PHACTR2: variants seen among roughly 807,000 people sequenced by gnomAD.
PHACTR2 encodes the protein phosphatase and actin regulator 2, also known as chromosome 6 open reading frame 56.
In PHACTR2, 30 loss-of-function variants were observed where a neutral mutation model predicts 76.0. That is an observed-to-expected ratio of 0.39 (90% confidence interval 0.30 to 0.54). The LOEUF is 0.54. Among genes scored for constraint, PHACTR2 ranks in the 20% least tolerant of loss-of-function variants. The probability of loss-of-function intolerance (pLI) is 0.61; values close to 1 mark genes in which losing one functional copy is unlikely to be tolerated. For missense variants in PHACTR2, 696 were observed against 781.1 expected (o/e 0.89, Z 1.30); for synonymous variants, 292 against 292.5 (o/e 1.00, Z 0.02).
intron 1 of PHACTR2, among the ~76,000 whole-genome samples, chr6:143,560,865 A>C (rs1775258401): frequency 6.7e-6 from 1 of 150,224 alleles, no homozygotes; most frequent in Non-Finnish European, 1.5e-5. Flanking sequence ...ATTGGGATAT[A>C]AAATGCAAAG....
rs879845108 is a variant in PHACTR2, at chr6:143,621,779, G to A, written c.13+13457G>A. 1.3e-4 allele frequency among the ~76,000 whole-genome samples: 20 copies of A among 152,234 alleles called. No homozygotes were observed. The highest frequency in any genetic ancestry group is 1.9e-4 in the East Asian group (1 of 5,180). On this transcript the variant is annotated intron_variant, in intron 1 of 11. Coordinates refer to the PHACTR2 transcript ENST00000305766. This position sits in a 1 kb window ranked among gnomAD's most constrained non-coding sequence, Gnocchi z 4.1. Reference sequence around the variant, plus strand: ...TAACATAGATTCATTTTGCACCTACGTGGACTTTAAATCTTTGCGAACAGT... The same window carrying A: ...TAACATAGATTCATTTTGCACCTACATGGACTTTAAATCTTTGCGAACAGT...
At chr6:143,768,139 A>T (rs1774991077) in intron 6 of PHACTR2, among the ~76,000 whole-genome samples, 1 of 152,156 alleles carries the variant, frequency 6.6e-6, no homozygotes, top group African/African-American at 2.4e-5. Context: ...CCCAGCTAGG[A>T]TTAAATTTTA....
chr6:143,563,238 A>C (rs1198999225), intron 1 of PHACTR2, among the ~76,000 whole-genome samples: 2 of 152,168 alleles, frequency 1.3e-5, no homozygotes, highest in Non-Finnish European at 2.9e-5. Context: ...AAAGTATGTA[A>C]ACCAGTTACG....
Position 143,689,831 on chromosome 6 carries a change from T to C in PHACTR2, c.46+11622T>C, listed in dbSNP as rs147055830. Reference sequence around the variant, plus strand: ...CCTCAGCCTCCCGATTAGCTGGGATTACAGGCACCTGCCACCACGCCCGGC... The same window carrying C: ...CCTCAGCCTCCCGATTAGCTGGGATCACAGGCACCTGCCACCACGCCCGGC... On this transcript the variant is annotated intron_variant, in intron 1 of 12. Transcript: ENST00000440869. The surrounding 1 kb of genome is among the most constrained non-coding windows in gnomAD (Gnocchi z 4.4). Among the ~76,000 whole-genome samples, 686 of 152,130 alleles carry C rather than the reference T, an allele frequency of 4.5e-3. 5 individuals carry two copies. The highest frequency in any genetic ancestry group is 0.015 in the African/African-American group (628 of 41,506).
intron 1 of PHACTR2, among the ~76,000 whole-genome samples, chr6:143,584,379 C>T (rs903161245): frequency 6.6e-6 from 1 of 152,178 alleles, no homozygotes; most frequent in African/African-American, 2.4e-5. Context: ...CTTAGCTACT[C>T]AGGGGGACTG....
rs1426298955 is a variant in PHACTR2 at position 143,537,778 on chromosome 6, G to T, written c.217+571G>T. On this transcript the variant is annotated intron_variant, in intron 1 of 11. Coordinates refer to the PHACTR2 transcript ENST00000367584. This position sits in a 1 kb window ranked among gnomAD's most constrained non-coding sequence, Gnocchi z 4.4. Reference sequence around the variant, plus strand: ...GGGGGAGAGCAGGGGAGAGTTTGGCGGGCTGTTTGTGCCTCTCATCCTTTA... The same window carrying T: ...GGGGGAGAGCAGGGGAGAGTTTGGCTGGCTGTTTGTGCCTCTCATCCTTTA... 6.6e-6 allele frequency among the ~76,000 whole-genome samples: 1 copy of T among 152,138 alleles called. No homozygotes were observed. The highest frequency in any genetic ancestry group is 1.5e-5 in the Non-Finnish European group (1 of 68,030).
intron 1 of PHACTR2, among the ~76,000 whole-genome samples, chr6:143,682,832 T>C (rs550591717): frequency 3.2e-4 from 48 of 152,288 alleles, no homozygotes; most frequent in Non-Finnish European, 4.0e-4. Context: ...ATGGGTTTCT[T>C]CATAGGTTCA....
At chr6:143,587,786 G>A (rs1007711943) in intron 1 of PHACTR2, among the ~76,000 whole-genome samples, 1 of 152,084 alleles carries the variant, frequency 6.6e-6, no homozygotes, top group African/African-American at 2.4e-5. Context: ...GGCTGAGGCG[G>A]GCGGATCACC....
At position 143,636,084 on chromosome 6, in the gene PHACTR2, A is replaced by G. The variant is rs1171953843; in HGVS notation, c.13+27762A>G. The stretch of plus-strand genomic sequence containing the variant: ...TAAAAAATTAGCCAGGCATGGTGGT[A>G]CACACCTGTAGTCCCAGCTAGTCAG... On this transcript the variant is annotated intron_variant, in intron 1 of 11. Coordinates refer to the PHACTR2 transcript ENST00000305766. 2.7e-5 allele frequency among the ~76,000 whole-genome samples: 4 copies of G among 149,996 alleles called. No homozygotes were observed. In the East Asian group the frequency reaches 7.9e-4, roughly 29 times the overall value.
rs140978170 is a variant in PHACTR2 at position 143,598,424 on chromosome 6, GC to G, written c.217+61220del. Reference sequence around the variant, plus strand: ...AGCCCTTCAGAACACCTTGATTTGAGCCCTACAAGATAAGACTAATTTTGGA... The same window carrying G: ...AGCCCTTCAGAACACCTTGATTTGAGCCTACAAGATAAGACTAATTTTGGA... On this transcript the variant is annotated intron_variant, in intron 1 of 11. Transcript: ENST00000367584. This position sits in a 1 kb window ranked among gnomAD's most constrained non-coding sequence, Gnocchi z 4.1. 3.3e-3 allele frequency among the ~76,000 whole-genome samples: 510 copies of G among 152,280 alleles called. No homozygotes were observed. The highest frequency in any genetic ancestry group is 5.8e-3 in the Non-Finnish European group (395 of 68,020).
rs1775431033 is a variant in PHACTR2, at chr6:143,570,198, AT to A, written c.217+32994del. ...ATTCGTGGCATCATAACATTTAAGA[AT>A]TTAAAATGTGTGCATGACATTTTTA... is the stretch of plus-strand genomic sequence containing the variant. On this transcript the variant is annotated intron_variant, in intron 1 of 11. Transcript: ENST00000367584. The surrounding 1 kb of genome is among the most constrained non-coding windows in gnomAD (Gnocchi z 4.6). 1.1e-5 allele frequency among the ~76,000 whole-genome samples: 1 copy of A among 92,892 alleles called. No individual in the cohort carries two copies. Among genetic ancestry groups the A allele is most frequent in the Non-Finnish European group, 2.6e-5 (1 of 38,068 alleles). The allele number at this position is 92,892 out of a possible 152,430, so 60.9% of individuals were successfully genotyped here.
chr6:143,615,111 T>A (rs1776040155), intron 1 of PHACTR2, among the ~76,000 whole-genome samples: 1 of 152,208 alleles, frequency 6.6e-6, no homozygotes, highest in Non-Finnish European at 1.5e-5. Flanking sequence ...TGTTACATCA[T>A]TAATACTTGC....
rs1461128836 is a variant in PHACTR2, at chr6:143,722,367, T to G, written c.214+10184T>G. Among the ~76,000 whole-genome samples, 1 of 152,198 alleles carries G rather than the reference T, an allele frequency of 6.6e-6. No homozygotes were observed. The highest frequency in any genetic ancestry group is 1.9e-4 in the East Asian group (1 of 5,200). On this transcript the variant is annotated intron_variant, in intron 2 of 12. Transcript: ENST00000440869. This position sits in a 1 kb window ranked among gnomAD's most constrained non-coding sequence, Gnocchi z 4.1. ...CCACTGTCCTCCATGATATCTGGTT[T>G]TATACCATTTTGTGGGTGTTTTCTT...
At chr6:143,644,361 A>G (rs12211387) in intron 1 of PHACTR2, among the ~76,000 whole-genome samples, 42,918 of 151,080 alleles carry the variant, frequency 0.28, 6,081 homozygotes, top group Middle Eastern at 0.37. Context: ...CCAGCTACTC[A>G]GGAGGCTGAG....
rs1554228166 is a variant in PHACTR2 at position 143,783,039 on chromosome 6, G to GTGTA, written c.1646-177_1646-176insATGT. On this transcript the variant is annotated intron_variant, in intron 9 of 12. Coordinates refer to ENST00000440869, the MANE Select transcript of PHACTR2 (RefSeq NM_001100164.2). This position sits in a 1 kb window ranked among gnomAD's most constrained non-coding sequence, Gnocchi z 5.2. ...TGTGTGTGTGTGTGTGTGTGTGTAT[G>GTGTA]TGTGTGTGTGTGTAAGATGATCAAC... 2.0e-5 allele frequency among the ~76,000 whole-genome samples: 3 copies of GTGTA among 148,588 alleles called. No individual in the cohort carries two copies. The highest frequency in any genetic ancestry group is 6.7e-5 in the Admixed American group (1 of 14,982).
rs9484792 is a variant in PHACTR2 at position 143,684,812 on chromosome 6, C to T, written c.46+6603C>T. On this transcript the variant is annotated intron_variant, in intron 1 of 12. Coordinates refer to ENST00000440869, the MANE Select transcript of PHACTR2 (RefSeq NM_001100164.2). The surrounding 1 kb of genome is among the most constrained non-coding windows in gnomAD (Gnocchi z 4.3). ...TCTTACCTATGTGTCCTTCTGCAGT[C>T]AACACTCTACACAACTGTACATGAC... 0.28 allele frequency among the ~76,000 whole-genome samples: 42,001 copies of T among 152,114 alleles called. 5,907 individuals are homozygous for T. Among genetic ancestry groups the T allele is most frequent in the Middle Eastern group, 0.4 (118 of 294 alleles).
At chr6:143,808,005 C>T (rs1304685242) in intron 12 of PHACTR2, among the ~76,000 whole-genome samples, 1 of 152,190 alleles carries the variant, frequency 6.6e-6, no homozygotes, top group Non-Finnish European at 1.5e-5. Flanking sequence ...ACTTGCTCCA[C>T]AGCTTTTCTT....
At chr6:143,594,013 G>A (rs1262787342) in intron 1 of PHACTR2, among the ~76,000 whole-genome samples, 2 of 152,112 alleles carry the variant, frequency 1.3e-5, no homozygotes, top group Non-Finnish European at 2.9e-5. Flanking sequence ...GTTGCAGATC[G>A]AGCATCCCTA....
rs1364546683 is a variant in PHACTR2 at position 143,819,745 on chromosome 6, C to G, written c.1923-3929C>G. Among the ~76,000 whole-genome samples, 1 of 152,212 alleles carries G rather than the reference C, an allele frequency of 6.6e-6. No individual in the cohort carries two copies. Among genetic ancestry groups the G allele is most frequent in the Admixed American group, 6.5e-5 (1 of 15,288 alleles). On this transcript the variant is annotated intron_variant, in intron 12 of 12. Transcript: ENST00000440869. This position sits in a 1 kb window ranked among gnomAD's most constrained non-coding sequence, Gnocchi z 5.0. ...CCTCTCTGGCTCTCTGGCAGATTGGCTGTGGCCACCGACACTGAGGGAAGA... is the reference window on the plus strand; with the variant it reads ...CCTCTCTGGCTCTCTGGCAGATTGGGTGTGGCCACCGACACTGAGGGAAGA...
Sources: gnomAD v4.1 joint callset for allele counts (sites outside exome capture counted in the v4.1 genomes callset) on GRCh38, gnomAD v4.1.1 for gene constraint, Gnocchi (gnomAD v3.1) non-coding constraint, MANE v1.5 for transcripts, NCBI Gene and HGNC (gene_info 2026-07-23, HGNC 2026-07-21) for gene names.